The following SNX9 variants were observed in gnomAD, a reference collection of about 807,000 sequenced individuals.
SNX9 encodes the protein sorting nexin 9.
SNX9 carries 44 observed loss-of-function variants against 89.4 expected under a neutral mutation model. The observed-to-expected ratio is 0.49, with a 90% CI of 0.39 to 0.63. The LOEUF (loss-of-function observed/expected upper bound fraction) is 0.63. SNX9 is among the 30% of genes least tolerant of loss of function. The probability of loss-of-function intolerance (pLI) is 0.00; values close to 1 mark genes in which losing one functional copy is unlikely to be tolerated. For synonymous variants in SNX9, 236 were observed against 247.8 expected, an observed-to-expected ratio of 0.95 and a Z score of 0.45; for missense variants, 578 against 736.1, an observed-to-expected ratio of 0.79 and a Z score of 2.49.
At chr6:157,915,798 C>T (rs11758361) in intron 9 of SNX9, among the ~76,000 whole-genome samples, 1 of 131,918 alleles carries the variant, frequency 7.6e-6, no homozygotes, top group African/African-American at 3.0e-5. Context: ...GCACTCCAGT[C>T]TGGGCGACAG....
chr6:157,838,853 T>C (rs1329362921), intron 1 of SNX9, among the ~76,000 whole-genome samples: 1 of 152,218 alleles, frequency 6.6e-6, no homozygotes, highest in Non-Finnish European at 1.5e-5. Flanking sequence ...ACTAAGCCAC[T>C]CTTAGGAACC....
chr6:157,865,485 G>A (rs1240173340), intron 1 of SNX9, among the ~76,000 whole-genome samples: 2 of 152,012 alleles, frequency 1.3e-5, no homozygotes, highest in African/African-American at 4.8e-5. Context: ...TGGGCGCCCT[G>A]CCATGATCTC....
intron 5 of SNX9, among the ~76,000 whole-genome samples, chr6:157,898,062 A>G (rs540871228): frequency 1.3e-5 from 2 of 152,304 alleles, no homozygotes; most frequent in South Asian, 4.1e-4. Flanking sequence ...CACCTTGCAC[A>G]CCTAACATTC....
At chr6:157,829,847 A>G (rs1233380716) in intron 1 of SNX9, among the ~76,000 whole-genome samples, 1 of 152,146 alleles carries the variant, frequency 6.6e-6, no homozygotes, top group East Asian at 1.9e-4. Flanking sequence ...CTGCCTGTAC[A>G]GCATTGTGTT....
rs886629654 is a variant in SNX9 at position 157,896,865 on chromosome 6, C to T, written c.339C>T (p.Ala113=). The T allele has an allele frequency of 2.5e-6, 4 of 1,613,388 alleles. No homozygotes were observed. The Admixed American group carries it at 6.7e-5, about 27-fold the overall frequency. The change falls in exon 5 of 18, where the codon GCC becomes GCT. Residue 113 remains alanine (A), a synonymous_variant. Transcript: ENST00000392185. ...ATGACCCCTGGTCAGCCTGGAGTGC[C>T]TCCAAATCTGGGAACTGGGAAAGCT... The part of the protein sequence containing the change: ...SGNDPWSAWS[A]SKSGNWESSE...
chr6:157,899,413 G>T (rs1783047450), intron 5 of SNX9, among the ~76,000 whole-genome samples: 1 of 152,162 alleles, frequency 6.6e-6, no homozygotes, highest in Non-Finnish European at 1.5e-5. Context: ...GCCTCTAGAA[G>T]TCTTTTCTAC....
chr6:157,928,789 G>A (rs1583243458), intron 12 of SNX9, 87 bp downstream of exon 12: 3 of 1,013,780 alleles, frequency 3.0e-6, no homozygotes, highest in East Asian at 6.0e-5. Context: ...GGAACCTGCT[G>A]CCTCGAACAG....
chr6:157,908,886 G>A (rs76132646), intron 7 of SNX9, among the ~76,000 whole-genome samples: 4,607 of 152,234 alleles, frequency 0.03, 157 homozygotes, highest in African/African-American at 0.087. Flanking sequence ...AGAAGAGAAG[G>A]CCAGTGAGAA....
Position 157,848,562 on chromosome 6 carries a change from A to G in SNX9, c.13-18985A>G, listed in dbSNP as rs78272219. ...TGAAGTGAAGTTTTTTATTTAAAAGAAACTGTACTTTCTGTACTTTGAAAA... is the reference window on the plus strand; with the variant it reads ...TGAAGTGAAGTTTTTTATTTAAAAGGAACTGTACTTTCTGTACTTTGAAAA... On this transcript the variant is annotated intron_variant, in intron 1 of 17. Transcript: ENST00000392185. Among the ~76,000 whole-genome samples, 1,515 of 152,376 alleles carry G rather than the reference A, an allele frequency of 9.9e-3. 56 individuals carry two copies. The East Asian group carries it at 0.13, about 13-fold the overall frequency.
chr6:157,894,888 G>A (rs1188463156), intron 4 of SNX9, among the ~76,000 whole-genome samples: 2 of 152,146 alleles, frequency 1.3e-5, no homozygotes, highest in Non-Finnish European at 1.5e-5. Context: ...GAACCACCAG[G>A]ATGGCTGATT....
At chr6:157,901,405 AC>A (rs1019688069) in intron 5 of SNX9, among the ~76,000 whole-genome samples, 1 of 152,196 alleles carries the variant, frequency 6.6e-6, no homozygotes, top group Non-Finnish European at 1.5e-5. Context: ...ACTCAAAAAA[AC>A]ATTTGCCAAG....
At chr6:157,886,870 T>C (rs1172444180) in intron 4 of SNX9, among the ~76,000 whole-genome samples, 1 of 152,218 alleles carries the variant, frequency 6.6e-6, no homozygotes, top group Non-Finnish European at 1.5e-5. Context: ...TTTTGTTTTT[T>C]TTTTCTTTGT....
At chr6:157,895,747 G>T (rs1336307787) in intron 4 of SNX9, among the ~76,000 whole-genome samples, 1 of 152,160 alleles carries the variant, frequency 6.6e-6, no homozygotes, top group Non-Finnish European at 1.5e-5. Flanking sequence ...TTTGTTAGTA[G>T]CATGAAACAA....
chr6:157,891,333 A>G (rs1422286728), intron 4 of SNX9, among the ~76,000 whole-genome samples: 1 of 151,998 alleles, frequency 6.6e-6, no homozygotes, highest in Non-Finnish European at 1.5e-5. Context: ...CTGGCCAAAA[A>G]TCATTTTTTC....
intron 1 of SNX9, among the ~76,000 whole-genome samples, chr6:157,864,378 A>G (rs1173137600): frequency 6.6e-6 from 1 of 152,168 alleles, no homozygotes; most frequent in African/African-American, 2.4e-5. Context: ...GGAGGGTCCA[A>G]ACCCTCTAAC....
In SNX9 at chr6:157,942,841, C is replaced by T. The variant is rs1784070702; in HGVS notation, c.*3C>T. 6.2e-7 allele frequency: 1 copy of T among 1,613,010 alleles called. No homozygotes were observed. The highest frequency in any genetic ancestry group is 1.1e-5 in the South Asian group (1 of 90,836). Reference sequence around the variant, plus strand: ...TCAGCCGCTTTCCAGTGATGTAGGACAGAACGGGCCTTGAAGAGAATGCCG... The same window carrying T: ...TCAGCCGCTTTCCAGTGATGTAGGATAGAACGGGCCTTGAAGAGAATGCCG... On this transcript the variant is annotated 3_prime_UTR_variant, in exon 18 of 18. Transcript: ENST00000392185.
At chr6:157,900,288 CCT>C (rs2115168213) in intron 5 of SNX9, among the ~76,000 whole-genome samples, 1 of 151,958 alleles carries the variant, frequency 6.6e-6, no homozygotes, top group East Asian at 1.9e-4. Context: ...CAATTTGGGT[CCT>C]TTGTCCATTT....
chr6:157,885,796 G>T (rs1400889195), intron 4 of SNX9, among the ~76,000 whole-genome samples: 1 of 152,104 alleles, frequency 6.6e-6, no homozygotes, highest in Non-Finnish European at 1.5e-5. Context: ...CTCTTAACTG[G>T]TGGACTTACC....
At chr6:157,917,172 GT>G (rs767548338) in intron 9 of SNX9, among the ~76,000 whole-genome samples, 27 of 152,104 alleles carry the variant, frequency 1.8e-4, no homozygotes, top group Non-Finnish European at 3.7e-4. Flanking sequence ...TAGTTTTAGA[GT>G]TGCTCATAGT....
Sources: gnomAD v4.1 joint callset for allele counts (sites outside exome capture counted in the v4.1 genomes callset) on GRCh38, gnomAD v4.1.1 for gene constraint, MANE v1.5 for transcripts, NCBI Gene and HGNC (gene_info 2026-07-23, HGNC 2026-07-21) for gene names.